GTF2E2: variants seen among roughly 807,000 people sequenced by gnomAD.
GTF2E2 encodes general transcription factor IIE subunit 2.
A neutral mutation model predicts 40.5 loss-of-function variants in GTF2E2; 21 were observed. The ratio of observed to expected loss-of-function variants is 0.52; its 90% CI spans 0.37 to 0.75. The LOEUF is 0.75. GTF2E2 is among the 30% of genes least tolerant of loss of function. The pLI is 0.00. For synonymous variants in GTF2E2, 117 were observed against 121.6 expected, an observed-to-expected ratio of 0.96 and a Z score of 0.25; for missense variants, 298 against 338.4, an observed-to-expected ratio of 0.88 and a Z score of 0.94.
chr8:30,580,250 G>A, intron 7 of GTF2E2, 31 bp downstream of exon 7: 1 of 1,181,212 alleles, frequency 8.5e-7, no homozygotes, highest in Non-Finnish European at 1.3e-6. Flanking sequence ...CCAGGGCAGG[G>A]GATTAAGCTG....
At chr8:30,635,157 T>G in intron 2 of GTF2E2, 34 bp from the exon 3 acceptor site, 1 of 1,124,458 alleles carries the variant, frequency 8.9e-7, no homozygotes. Flanking sequence ...ATCGTCATAT[T>G]ATGTGTGATT....
At chr8:30,626,195 A>G (rs1801266336) in intron 3 of GTF2E2, among the ~76,000 whole-genome samples, 1 of 152,238 alleles carries the variant, frequency 6.6e-6, no homozygotes, top group Non-Finnish European at 1.5e-5. Context: ...TAGCAATAAA[A>G]GTAAAATGTA....
rs750689949 is a variant in GTF2E2 at position 30,635,110 on chromosome 8, T to C, written c.180A>G (p.Gly60=). Residue 60 remains glycine, a synonymous_variant, in exon 3 of 8, where the codon GGA becomes GGG. Coordinates refer to ENST00000355904, the MANE Select transcript of GTF2E2 (RefSeq NM_002095.6). Reference sequence around the variant, plus strand: ...CTGACAAAGCTTTCAAGTTAAATGATCCATTGCTATGATCTGCAAATGAAG... The same window carrying C: ...CTGACAAAGCTTTCAAGTTAAATGACCCATTGCTATGATCTGCAAATGAAG... ...GSKQNSDHSN[G]SFNLKALSGS... 1.3e-5 allele frequency: 20 copies of C among 1,595,126 alleles called. No homozygotes were observed. The highest frequency in any genetic ancestry group is 1.7e-4 in the Middle Eastern group (1 of 6,010).
At chr8:30,647,654 C>T (rs748469534) in intron 2 of GTF2E2, among the ~76,000 whole-genome samples, 9 of 152,192 alleles carry the variant, frequency 5.9e-5, no homozygotes, top group Non-Finnish European at 1.3e-4. Flanking sequence ...TTTATTCTCA[C>T]ATTAGAAACA....
In GTF2E2 at chr8:30,643,658, T is replaced by TAAA. The variant is rs71206267; in HGVS notation, c.167-8538_167-8536dup. ...CTGGGCAACAGAGCAAGACTCTGCCTAAAAAAAAAAAAAAAAAGACAGTAC... is the reference window on the plus strand; with the variant it reads ...CTGGGCAACAGAGCAAGACTCTGCCTAAAAAAAAAAAAAAAAAAAAGACAGTAC... On this transcript the variant is annotated intron_variant, in intron 2 of 7. Transcript: ENST00000355904. The TAAA allele has an allele frequency of 4.8e-3, 639 of 132,206 alleles. 4 individuals are homozygous for TAAA. Among genetic ancestry groups the TAAA allele is most frequent in the African/African-American group, 0.017 (591 of 35,412 alleles). 8.2% of individuals were successfully genotyped at this position (132,206 alleles called of 1,614,324 possible). A position where few individuals can be genotyped will look rare whatever the true frequency, so the allele number is the denominator to read the frequency against.
intron 2 of GTF2E2, among the ~76,000 whole-genome samples, chr8:30,646,257 C>T (rs547735278): frequency 1.3e-5 from 2 of 152,268 alleles, no homozygotes; most frequent in East Asian, 1.9e-4. Flanking sequence ...AAACTTACTA[C>T]TACACCCCTT....
intron 2 of GTF2E2, among the ~76,000 whole-genome samples, chr8:30,643,037 A>T (rs1181004209): frequency 6.6e-6 from 1 of 152,228 alleles, no homozygotes; most frequent in Non-Finnish European, 1.5e-5. Context: ...GCAGGAAAAA[A>T]GGAGGCAAGT....
intron 6 of GTF2E2, among the ~76,000 whole-genome samples, chr8:30,591,658 C>T (rs1359592511): frequency 6.6e-6 from 1 of 152,118 alleles, no homozygotes; most frequent in Non-Finnish European, 1.5e-5. Context: ...AAAGCAGAAC[C>T]TTCCTAAGTT....
At chr8:30,643,246 T>G (rs1008264159) in intron 2 of GTF2E2, among the ~76,000 whole-genome samples, 1 of 152,180 alleles carries the variant, frequency 6.6e-6, no homozygotes, top group Non-Finnish European at 1.5e-5. Context: ...TTGGGAGATA[T>G]ATATTGAAAT....
intron 6 of GTF2E2, chr8:30,597,340 TCTC>T (rs958767271): frequency 6.6e-6 from 1 of 152,088 alleles, no homozygotes; most frequent in Admixed American, 6.6e-5. Context: ...CTACTGTCCC[TCTC>T]CTCCAGGGGG....
chr8:30,651,572 G>C (rs62505312), intron 2 of GTF2E2, among the ~76,000 whole-genome samples: 3,590 of 152,242 alleles, frequency 0.024, 51 homozygotes, highest in Non-Finnish European at 0.036. Flanking sequence ...CTGGGCAACA[G>C]AGCAAGATCC....
chr8:30,588,066 A>G (rs915395549), intron 6 of GTF2E2, among the ~76,000 whole-genome samples: 1 of 152,194 alleles, frequency 6.6e-6, no homozygotes, highest in Non-Finnish European at 1.5e-5. Context: ...AAAAAGAGGA[A>G]AGATAACATG....
intron 2 of GTF2E2, among the ~76,000 whole-genome samples, chr8:30,644,276 AT>A (rs916000651): frequency 1.3e-5 from 2 of 152,334 alleles, no homozygotes; most frequent in African/African-American, 2.4e-5. Context: ...CTTTTGTGAA[AT>A]GGAATAATAA....
chr8:30,634,449 A>C (rs961973899), intron 3 of GTF2E2, among the ~76,000 whole-genome samples: 3 of 152,210 alleles, frequency 2.0e-5, no homozygotes, highest in African/African-American at 7.2e-5. Flanking sequence ...CTGTCTCAAA[A>C]AAAAAGAAAA....
At position 30,596,254 on chromosome 8, in the gene GTF2E2, T is replaced by C. The variant is rs182333953; in HGVS notation, c.643+10803A>G. Among the ~76,000 whole-genome samples the C allele has an allele frequency of 1.4e-4, 21 of 152,322 alleles. No homozygotes were observed. In the East Asian group the frequency reaches 4.1e-3, roughly 29 times the overall value. On this transcript the variant is annotated intron_variant, in intron 6 of 7. Coordinates refer to ENST00000355904, the MANE Select transcript of GTF2E2 (RefSeq NM_002095.6). ...TTCTTCTGCCCCGTTTTCTTTCTTT[T>C]CCTTCTCAGACTTTACAAATTCAGA... is the stretch of plus-strand genomic sequence containing the variant.
rs564049652 is a variant in GTF2E2, at chr8:30,637,828, A to G, written c.167-2705T>C. Among the ~76,000 whole-genome samples, 3 of 152,320 alleles carry G rather than the reference A, an allele frequency of 2.0e-5. No individual in the cohort carries two copies. The South Asian group carries it at 6.2e-4, about 32-fold the overall frequency. On this transcript the variant is annotated intron_variant, in intron 2 of 7. Coordinates refer to ENST00000355904, the MANE Select transcript of GTF2E2 (RefSeq NM_002095.6). ...GGGCCACCGCTCCCAGCCTTCATCT[A>G]TAATTTTAAAAAAGAAGTCTACATA...
At chr8:30,615,100 G>A (rs1169848183) in intron 3 of GTF2E2, among the ~76,000 whole-genome samples, 3 of 152,018 alleles carry the variant, frequency 2.0e-5, no homozygotes. Context: ...CCAACATGGT[G>A]AAACCCCATG....
At chr8:30,626,318 C>T (rs1293464686) in intron 3 of GTF2E2, among the ~76,000 whole-genome samples, 1 of 152,152 alleles carries the variant, frequency 6.6e-6, no homozygotes, top group Non-Finnish European at 1.5e-5. Flanking sequence ...AACCCCATCT[C>T]TACTAAAAAT....
intron 3 of GTF2E2, among the ~76,000 whole-genome samples, chr8:30,632,609 A>C (rs1205857832): frequency 2.0e-5 from 3 of 152,218 alleles, no homozygotes; most frequent in Admixed American, 1.3e-4. Context: ...ACTGCTTCTG[A>C]ATATATCAGA....
Sources: allele counts gnomAD v4.1 joint callset (sites outside exome capture counted in the v4.1 genomes callset), GRCh38; gene constraint gnomAD v4.1.1; transcripts MANE v1.5; gene names NCBI Gene and HGNC (gene_info 2026-07-23, HGNC 2026-07-21).